The following PANK4 variants were observed in gnomAD, a reference collection of about 807,000 sequenced individuals.
The protein encoded by PANK4 is 4'-phosphopantetheine phosphatase.
Under a neutral mutation model 87.9 loss-of-function variants are expected in PANK4, and 40 were observed. The ratio of observed to expected loss-of-function variants is 0.46; its 90% CI spans 0.35 to 0.59. PANK4 has a LOEUF of 0.59. Ranked by LOEUF, PANK4 falls within the 20% of genes least tolerant of loss-of-function variation. PANK4 has a pLI of 0.00. For synonymous variants in PANK4, 524 were observed against 467.4 expected, an observed-to-expected ratio of 1.12 and a Z score of -1.56; for missense variants, 926 against 1,072.3, an observed-to-expected ratio of 0.86 and a Z score of 1.90.
At chr1:2,524,030 T>A (rs1643899721) in intron 1 of PANK4, among the ~76,000 whole-genome samples, 1 of 152,196 alleles carries the variant, frequency 6.6e-6, no homozygotes, top group South Asian at 2.1e-4. Flanking sequence ...CTGTGTTTCC[T>A]CTTTGGGCAC....
chr1:2,516,478 G>A (rs889512817), intron 9 of PANK4, among the ~76,000 whole-genome samples: 9 of 152,182 alleles, frequency 5.9e-5, no homozygotes, highest in Non-Finnish European at 1.2e-4. Context: ...CACGCTCACC[G>A]CAGCAGCCGC....
At chr1:2,511,516 T>A in intron 14 of PANK4, 112 bp downstream of exon 14, 3 of 1,074,024 alleles carry the variant, frequency 2.8e-6, no homozygotes, top group Non-Finnish European at 4.3e-6. Flanking sequence ...TGACAGAGCC[T>A]TGAGCAGGGG....
intron 1 of PANK4, 77 bp downstream of exon 1, chr1:2,526,387 C>T (rs1643924460): frequency 6.9e-6 from 6 of 868,080 alleles, no homozygotes; most frequent in Non-Finnish European, 8.3e-6. Flanking sequence ...GTCCTTCCCG[C>T]CGCCCCCGCT....
At position 2,520,009 on chromosome 1, in the gene PANK4, C is replaced by A. The variant is rs1002010521; in HGVS notation, c.700-55G>T. The A allele has an allele frequency of 8.7e-6, 13 of 1,487,380 alleles. No homozygotes were observed. The highest frequency in any genetic ancestry group is 1.4e-5 in the African/African-American group (1 of 71,532). 92.1% of individuals were successfully genotyped at this position (1,487,380 alleles called of 1,614,324 possible). On this transcript the variant is annotated intron_variant, in intron 5 of 18. Transcript: ENST00000378466. The surrounding 1 kb of genome is among the most constrained non-coding windows in gnomAD (Gnocchi z 6.2). ...GCGCCAGGAGCTGCTGGAATCCCCA[C>A]GACCCCAGAAACCAAGCCCATGGCA...
rs199900765 is a variant in PANK4 at position 2,514,457 on chromosome 1, G to A, written c.1384C>T (p.Arg462Cys). Residue 462 changes from arginine (R) to cysteine (C), a missense_variant, in exon 11 of 19, where the codon CGC (arginine) becomes TGC (cysteine). Physicochemically the swap from Arg to Cys is radical, Grantham distance 180. Transcript: ENST00000378466. ...FEEALDGVVK[R>C]AVASQPDSVD... ...GAGTCTGGCTGGCTCGCCACTGCGC[G>A]CTTCACTACCTGCCAGCGACAGAAG... 9 of 1,609,656 alleles carry A rather than the reference G, an allele frequency of 5.6e-6. No individual in the cohort carries two copies. The highest frequency in any genetic ancestry group is 4.5e-5 in the East Asian group (2 of 44,852).
rs755263438 is a variant in PANK4, at chr1:2,510,816, C to T, written c.1834-34G>A. ...CAAAACCAGGACGTTCAGTTGGGAA[C>T]AGGCGCATCCAAGCGAGTCAGTCCG... On this transcript the variant is annotated intron_variant, in intron 15 of 18. Coordinates refer to ENST00000378466, the MANE Select transcript of PANK4 (RefSeq NM_018216.4). This position sits in a 1 kb window ranked among gnomAD's most constrained non-coding sequence, Gnocchi z 4.9. 1 of 1,263,626 alleles carries T rather than the reference C, an allele frequency of 7.9e-7. No individual in the cohort carries two copies. Among genetic ancestry groups the T allele is most frequent in the Non-Finnish European group, 1.2e-6 (1 of 861,230 alleles). The allele number at this position is 1,263,626 out of a possible 1,614,324, so 78.3% of individuals were successfully genotyped here.
Position 2,510,413 on chromosome 1 carries a change from A to G in PANK4, c.1939-256T>C. ...TGCCTGTCTGTGAAGTCACAGCCCC[A>G]AAGCCTCCTTGCTGTGAGCACCCTT... On this transcript the variant is annotated intron_variant, in intron 16 of 18. Coordinates refer to ENST00000378466, the MANE Select transcript of PANK4 (RefSeq NM_018216.4). The surrounding 1 kb of genome is among the most constrained non-coding windows in gnomAD (Gnocchi z 4.9). The G allele has an allele frequency of 1.7e-6, 1 of 586,984 alleles. No homozygotes were observed. The highest frequency in any genetic ancestry group is 2.0e-5 in the African/African-American group (1 of 51,242). 36.4% of individuals were successfully genotyped at this position (586,984 alleles called of 1,614,324 possible). A position where few individuals can be genotyped will look rare whatever the true frequency, so the allele number is the denominator to read the frequency against.
rs149518976 is a variant in PANK4, at chr1:2,518,541, C to T, written c.1092G>A (p.Ala364=). 5.1e-5 allele frequency: 80 copies of T among 1,571,142 alleles called. No individual in the cohort carries two copies. The highest frequency in any genetic ancestry group is 1.5e-4 in the African/African-American group (11 of 74,080). The change falls in exon 8 of 19, where the codon GCG becomes GCA. Residue 364 remains alanine (A), a synonymous_variant. Transcript: ENST00000378466. ...TGTCCTGCTCAGCTCCTTTCAGGAACGCTCCGATGGCTCCCAGGTAGCCTT... is the reference window on the plus strand; with the variant it reads ...TGTCCTGCTCAGCTCCTTTCAGGAATGCTCCGATGGCTCCCAGGTAGCCTT... ...RHEGYLGAIG[A]FLKGAEQDNP...
chr1:2,520,168 G>T lies in PANK4; in HGVS notation c.699+154C>A, dbSNP rs1570546375. On this transcript the variant is annotated intron_variant, in intron 5 of 18. Transcript: ENST00000378466. The surrounding 1 kb of genome is among the most constrained non-coding windows in gnomAD (Gnocchi z 6.2). ...TGCTGGGACACCCAACCCTCAGGGC[G>T]CAAAGAGTGAAGCCGCAGAGGCCAG... Among the ~76,000 whole-genome samples, 1 of 152,194 alleles carries T rather than the reference G, an allele frequency of 6.6e-6. No individual in the cohort carries two copies. The highest frequency in any genetic ancestry group is 1.5e-5 in the Non-Finnish European group (1 of 68,024).
chr1:2,519,779 C>A lies in PANK4; in HGVS notation c.853+22G>T. ...GTGTCCCCACCATCCTGCTCTCTGGCGGCAGAGGCCGGGGTGAGCACCTTG... is the reference window on the plus strand; with the variant it reads ...GTGTCCCCACCATCCTGCTCTCTGGAGGCAGAGGCCGGGGTGAGCACCTTG... On this transcript the variant is annotated intron_variant, in intron 6 of 18. Transcript: ENST00000378466. This position sits in a 1 kb window ranked among gnomAD's most constrained non-coding sequence, Gnocchi z 8.3. 3 of 1,553,910 alleles carry A rather than the reference C, an allele frequency of 1.9e-6. No individual in the cohort carries two copies. Among genetic ancestry groups the A allele is most frequent in the South Asian group, 1.2e-5 (1 of 85,080 alleles).
In PANK4 at chr1:2,514,345, G is replaced by C; in HGVS notation, c.1487+9C>G. On this transcript the variant is annotated intron_variant, in intron 11 of 18. Transcript: ENST00000378466. ...GAGGTGGCCACACACCGGGGTGCTG[G>C]GCACTTACAAGGGCTGCTGCCTCAG... 1 of 1,592,496 alleles carries C rather than the reference G, an allele frequency of 6.3e-7. No individual in the cohort carries two copies. Among genetic ancestry groups the C allele is most frequent in the African/African-American group, 1.3e-5 (1 of 74,598 alleles).
At chr1:2,518,673 C>T (rs754475348) in intron 7 of PANK4, 76 bp from the exon 8 acceptor site, 93 of 1,235,366 alleles carry the variant, frequency 7.5e-5, no homozygotes, top group Non-Finnish European at 1.0e-4. Context: ...GCTCAACGTG[C>T]GCGGGCCTCG....
chr1:2,508,746 C>A lies in PANK4; in HGVS notation c.*101G>T. 1.4e-6 allele frequency: 1 copy of A among 737,246 alleles called. No homozygotes were observed. Among genetic ancestry groups the A allele is most frequent in the Non-Finnish European group, 2.4e-6 (1 of 424,114 alleles). The allele number at this position is 737,246 out of a possible 1,614,324, so 45.7% of individuals were successfully genotyped here. ...CTGGGGTGTATGTGCCGCGTCACAGCAGTACCATATAAATACGTTGATTTG... is the reference window on the plus strand; with the variant it reads ...CTGGGGTGTATGTGCCGCGTCACAGAAGTACCATATAAATACGTTGATTTG... On this transcript the variant is annotated 3_prime_UTR_variant, in exon 19 of 19. Coordinates refer to ENST00000378466, the MANE Select transcript of PANK4 (RefSeq NM_018216.4). The surrounding 1 kb of genome is among the most constrained non-coding windows in gnomAD (Gnocchi z 5.1).
chr1:2,514,135 A>G (rs771504024), intron 11 of PANK4, 46 bp from the exon 12 acceptor site: 17 of 1,484,392 alleles, frequency 1.1e-5, no homozygotes, highest in Non-Finnish European at 1.5e-5. Flanking sequence ...CAGGCCGAAC[A>G]CCCGCCCGTC....
In PANK4 at chr1:2,512,875, C is replaced by T. The variant is rs143665029; in HGVS notation, c.1727+13G>A. Reference sequence around the variant, plus strand: ...CAGGCTGCAGAGCCTGCTCCGAGCCCGCAGACACCTACGCAGACACGGCTT... The same window carrying T: ...CAGGCTGCAGAGCCTGCTCCGAGCCTGCAGACACCTACGCAGACACGGCTT... On this transcript the variant is annotated intron_variant, in intron 13 of 18. Coordinates refer to ENST00000378466, the MANE Select transcript of PANK4 (RefSeq NM_018216.4). The T allele has an allele frequency of 1.1e-3, 1,818 of 1,612,308 alleles. 19 individuals are homozygous for T. The African/African-American group carries it at 0.021, about 19-fold the overall frequency.
Position 2,519,004 on chromosome 1 carries a change from A to T in PANK4, c.1035+139T>A. On this transcript the variant is annotated intron_variant, in intron 7 of 18. Transcript: ENST00000378466. The surrounding 1 kb of genome is among the most constrained non-coding windows in gnomAD (Gnocchi z 8.3). ...AAATGTAGGCTGCCCAGAATCAGTCAGAAGGGAGGGGTGCTGGGCTTCTTG... is the reference window on the plus strand; with the variant it reads ...AAATGTAGGCTGCCCAGAATCAGTCTGAAGGGAGGGGTGCTGGGCTTCTTG... 1 of 770,718 alleles carries T rather than the reference A, an allele frequency of 1.3e-6. No individual in the cohort carries two copies. The highest frequency in any genetic ancestry group is 2.1e-6 in the Non-Finnish European group (1 of 471,422). The allele number at this position is 770,718 out of a possible 1,614,324, so 47.7% of individuals were successfully genotyped here. A position where few individuals can be genotyped will look rare whatever the true frequency, so the allele number is the denominator to read the frequency against.
rs1250836715 is a variant in PANK4, at chr1:2,521,007, T to C, written c.422+94A>G. 3.9e-6 allele frequency: 6 copies of C among 1,522,062 alleles called. No individual in the cohort carries two copies. In the African/African-American group the frequency reaches 8.3e-5, roughly 21 times the overall value. The allele number at this position is 1,522,062 out of a possible 1,614,324, so 94.3% of individuals were successfully genotyped here. On this transcript the variant is annotated intron_variant, in intron 3 of 18. Transcript: ENST00000378466. ...AGGGGCAGCCATGCCCCATGCGCAA[T>C]CTGACACACGAGCGCCAGGGACGCG...
intron 2 of PANK4, 127 bp downstream of exon 2, chr1:2,521,591 G>T (rs767945468): frequency 1.2e-6 from 1 of 846,040 alleles, no homozygotes; most frequent in Admixed American, 1.7e-5. Context: ...GGCTGTCCCT[G>T]CTAGAAACTC....
At chr1:2,516,475 A>ACC (rs1338967956) in intron 9 of PANK4, among the ~76,000 whole-genome samples, 1 of 152,112 alleles carries the variant, frequency 6.6e-6, no homozygotes, top group African/African-American at 2.4e-5. Flanking sequence ...CTGCACGCTC[A>ACC]CCGCAGCAGC....
Sources: allele counts gnomAD v4.1 joint callset (sites outside exome capture counted in the v4.1 genomes callset), GRCh38; gene constraint gnomAD v4.1.1; non-coding constraint Gnocchi (gnomAD v3.1); transcripts MANE v1.5; gene names NCBI Gene and HGNC (gene_info 2026-07-23, HGNC 2026-07-21).